The following TNRC6B variants were observed in gnomAD, a reference collection of about 807,000 sequenced individuals.
The protein encoded by TNRC6B is trinucleotide repeat-containing gene 6B protein.
In TNRC6B, 52 loss-of-function variants were observed where a neutral mutation model predicts 203.6. That is an observed-to-expected ratio of 0.26 (90% CI 0.20 to 0.32). The LOEUF is 0.32. TNRC6B is among the 10% of genes least tolerant of loss of function. TNRC6B has a pLI of 1.00. For synonymous variants in TNRC6B, 838 were observed against 845.7 expected (o/e 0.99, Z 0.16); for missense variants, 1,923 against 2,286.2 (o/e 0.84, Z 3.24).
intron 1 of TNRC6B, among the ~76,000 whole-genome samples, chr22:40,095,482 G>A (rs921617494): frequency 6.6e-6 from 1 of 152,106 alleles, no homozygotes; most frequent in Non-Finnish European, 1.5e-5. Flanking sequence ...GGGAAATGTA[G>A]CTTTCTAATT....
chr22:40,169,092 C>A (rs916296949), intron 4 of TNRC6B, among the ~76,000 whole-genome samples: 1 of 150,040 alleles, frequency 6.7e-6, no homozygotes, highest in Non-Finnish European at 1.5e-5. Context: ...TGGTTGTTGA[C>A]TGCATGAATG....
At chr22:40,082,097 T>C (rs2068068148) in intron 1 of TNRC6B, among the ~76,000 whole-genome samples, 1 of 152,192 alleles carries the variant, frequency 6.6e-6, no homozygotes, top group African/African-American at 2.4e-5. Context: ...GCCGGGGAAG[T>C]AGTTGAAAAC....
intron 3 of TNRC6B, among the ~76,000 whole-genome samples, chr22:40,129,127 A>G (rs2068520160): frequency 6.6e-6 from 1 of 152,140 alleles, no homozygotes; most frequent in African/African-American, 2.4e-5. Flanking sequence ...AGACACAGGA[A>G]ACAGCTGCAA....
intron 1 of TNRC6B, among the ~76,000 whole-genome samples, chr22:40,221,954 G>T (rs562398259): frequency 6.6e-6 from 1 of 152,074 alleles, no homozygotes; most frequent in East Asian, 1.9e-4. Flanking sequence ...CTGAAGTGAT[G>T]TTGTCCTGGC....
intron 1 of TNRC6B, among the ~76,000 whole-genome samples, chr22:40,243,168 C>G (rs1185517069): frequency 6.6e-6 from 1 of 152,080 alleles, no homozygotes; most frequent in Admixed American, 6.5e-5. Flanking sequence ...CGCAACCGGC[C>G]TGGATTTTTT....
At chr22:40,136,480 C>T (rs8136149) in intron 3 of TNRC6B, among the ~76,000 whole-genome samples, 34,061 of 150,546 alleles carry the variant, frequency 0.23, 4,186 homozygotes, top group Admixed American at 0.33. Context: ...CTCATTGCAG[C>T]CTGAACCTCT....
At chr22:40,108,897 A>T (rs1298289927) in intron 1 of TNRC6B, among the ~76,000 whole-genome samples, 7 of 152,198 alleles carry the variant, frequency 4.6e-5, no homozygotes, top group African/African-American at 1.7e-4. Context: ...AGCCCAGCAT[A>T]CATTAGCTAT....
intron 8 of TNRC6B, 125 bp from the exon 9 acceptor site, chr22:40,277,874 A>G: frequency 1.4e-6 from 1 of 714,966 alleles, no homozygotes; most frequent in Non-Finnish European, 2.5e-6. Context: ...CAGTACCATC[A>G]AGTTCATTTC....
At chr22:40,179,904 C>T (rs988763251) in intron 1 of TNRC6B, among the ~76,000 whole-genome samples, 8 of 152,100 alleles carry the variant, frequency 5.3e-5, no homozygotes, top group African/African-American at 1.9e-4. Flanking sequence ...AATTAAAGCC[C>T]TCTGTCTCTA....
intron 1 of TNRC6B, among the ~76,000 whole-genome samples, chr22:40,182,959 G>T (rs1039559345): frequency 6.6e-6 from 1 of 152,080 alleles, no homozygotes; most frequent in Non-Finnish European, 1.5e-5. Context: ...CTCCTAAATT[G>T]TATCACCATC....
intron 17 of TNRC6B, 74 bp downstream of exon 17, chr22:40,311,067 G>A: frequency 6.9e-7 from 1 of 1,447,538 alleles, no homozygotes; most frequent in East Asian, 2.5e-5. Flanking sequence ...AGAATACATT[G>A]CTTTTGTGAT....
rs1282359300 is a variant in TNRC6B at position 40,327,289 on chromosome 22, T to C, written c.*4048T>C. The C allele has an allele frequency of 2.0e-5, 3 of 152,604 alleles. No individual in the cohort carries two copies. The highest frequency in any genetic ancestry group is 4.4e-5 in the Non-Finnish European group (3 of 68,038). The allele number at this position is 152,604 out of a possible 1,614,324, so 9.5% of individuals were successfully genotyped here. A position where few individuals can be genotyped will look rare whatever the true frequency, so the allele number is the denominator to read the frequency against. ...GTAAGATACTCACCCATAAAGGAAA[T>C]TGGAGTGGTTCTGGACAGGCCCCAA... On this transcript the variant is annotated 3_prime_UTR_variant, in exon 23 of 23. Transcript: ENST00000454349.
At chr22:40,215,562 C>T (rs1322235721) in intron 1 of TNRC6B, among the ~76,000 whole-genome samples, 1 of 152,152 alleles carries the variant, frequency 6.6e-6, no homozygotes, top group Non-Finnish European at 1.5e-5. Context: ...ATCCATTTTG[C>T]AGTTTTCCCA....
At chr22:40,269,367 C>G (rs1231515657) in intron 5 of TNRC6B, among the ~76,000 whole-genome samples, 2 of 151,952 alleles carry the variant, frequency 1.3e-5, no homozygotes, top group East Asian at 1.9e-4. Flanking sequence ...CTCCTGACCT[C>G]AGGAGATCCA....
intron 1 of TNRC6B, among the ~76,000 whole-genome samples, chr22:40,206,523 G>A (rs909890660): frequency 2.0e-5 from 3 of 152,262 alleles, no homozygotes; most frequent in Non-Finnish European, 2.9e-5. Context: ...TCTTGAATTG[G>A]TATATAAATT....
At chr22:40,279,888 A>G (rs759367773) in intron 9 of TNRC6B, 107 bp from the exon 10 acceptor site, 30 of 889,718 alleles carry the variant, frequency 3.4e-5, no homozygotes, top group Non-Finnish European at 5.0e-5. Context: ...AGAAATATTA[A>G]TAGCTTATAC....
intron 7 of TNRC6B, chr22:40,276,867 A>G (rs2070651762): frequency 2.7e-6 from 1 of 377,000 alleles, no homozygotes; most frequent in Admixed American, 4.6e-5. Flanking sequence ...CTTCTGGTTC[A>G]GTGTGGTGAA....
At chr22:40,257,037 A>G (rs1393677632) in intron 3 of TNRC6B, among the ~76,000 whole-genome samples, 1 of 152,170 alleles carries the variant, frequency 6.6e-6, no homozygotes, top group Non-Finnish European at 1.5e-5. Flanking sequence ...GGTTACTGAA[A>G]ATTGTTCAGT....
intron 2 of TNRC6B, among the ~76,000 whole-genome samples, chr22:40,124,286 C>T (rs187754064): frequency 5.6e-4 from 84 of 150,666 alleles, no homozygotes; most frequent in Non-Finnish European, 9.6e-4. Context: ...TTTTCTTGCA[C>T]ACACAAAAAA....
Sources: gnomAD v4.1 joint callset for allele counts (sites outside exome capture counted in the v4.1 genomes callset) on GRCh38, gnomAD v4.1.1 for gene constraint, MANE v1.5 for transcripts, NCBI Gene and HGNC (gene_info 2026-07-23, HGNC 2026-07-21) for gene names.